GATA4: variants seen among roughly 807,000 people sequenced by gnomAD.
GATA4 encodes transcription factor GATA-4.
A neutral mutation model predicts 37.9 loss-of-function variants in GATA4; 7 were observed. The observed-to-expected ratio is 0.18, with a 90% CI of 0.11 to 0.35. The LOEUF (loss-of-function observed/expected upper bound fraction) is 0.35, where lower values mean the gene tolerates loss of function less well. GATA4 is among the 10% of genes least tolerant of loss of function. GATA4 has a pLI of 1.00. For missense variants in GATA4, 647 were observed against 653.0 expected, an observed-to-expected ratio of 0.99 and a Z score of 0.10; for synonymous variants, 372 against 292.6, an observed-to-expected ratio of 1.27 and a Z score of -2.77.
rs540137124 is a variant in GATA4, at chr8:11,741,270, G to T, written c.617-7646G>T. 9.9e-5 allele frequency among the ~76,000 whole-genome samples: 15 copies of T among 152,180 alleles called. No homozygotes were observed. The South Asian group carries it at 1.2e-3, about 13-fold the overall frequency. ...AGGCGGGAGGATTGCTTGAACTCAG[G>T]AGTTCAAGATCAGCCTGGGCAACAT... On this transcript the variant is annotated intron_variant, in intron 2 of 6. Coordinates refer to ENST00000532059, the MANE Select transcript of GATA4 (RefSeq NM_001308093.3).
intron 2 of GATA4, among the ~76,000 whole-genome samples, chr8:11,743,615 C>T (rs1223461802): frequency 6.6e-6 from 1 of 152,266 alleles, no homozygotes. Context: ...CCTCCCGTGC[C>T]TTCCCTCTCC....
At chr8:11,695,788 C>T (rs1799490811) in intron 1 of GATA4, among the ~76,000 whole-genome samples, 1 of 152,146 alleles carries the variant, frequency 6.6e-6, no homozygotes, top group East Asian at 1.9e-4. Flanking sequence ...GCAGCCTGCC[C>T]AAAAACATGA....
In GATA4 at chr8:11,748,908, C is replaced by G; in HGVS notation, c.617-8C>G. The stretch of plus-strand genomic sequence containing the variant: ...TGTGTCTTTTCTTGTCTGTTCCCCC[C>G]AACTCAGTAGATATGTTTGACGACT... On this transcript the variant is annotated splice_region_variant and splice_polypyrimidine_tract_variant and intron_variant, in intron 2 of 6. Transcript: ENST00000532059. 1 of 1,614,194 alleles carries G rather than the reference C, an allele frequency of 6.2e-7. No homozygotes were observed. Among genetic ancestry groups the G allele is most frequent in the Non-Finnish European group, 8.5e-7 (1 of 1,179,998 alleles).
chr8:11,728,424 G>A (rs547073515), intron 2 of GATA4, among the ~76,000 whole-genome samples: 1 of 151,958 alleles, frequency 6.6e-6, no homozygotes, highest in Non-Finnish European at 1.5e-5. Flanking sequence ...GCTGGAGTGC[G>A]GTGCTGTGAT....
chr8:11,745,447 A>C (rs1285074759), intron 2 of GATA4, among the ~76,000 whole-genome samples: 1 of 148,792 alleles, frequency 6.7e-6, no homozygotes, highest in Non-Finnish European at 1.5e-5. Flanking sequence ...TTAGCAAGGC[A>C]TGGCAGCATG....
chr8:11,699,801 C>T (rs1799613714), upstream of GATA4, among the ~76,000 whole-genome samples: 1 of 152,222 alleles, frequency 6.6e-6, no homozygotes, highest in Non-Finnish European at 1.5e-5. Flanking sequence ...CCACTTTTTT[C>T]CCTCTTCCTG....
At chr8:11,703,567 C>G (rs1433794733), upstream of GATA4, among the ~76,000 whole-genome samples, 6 of 152,200 alleles carry the variant, frequency 3.9e-5, no homozygotes, top group Admixed American at 3.3e-4. Flanking sequence ...GAAGTGTCGC[C>G]AGGAAGGGAT....
chr8:11,742,792 C>G (rs758580342), intron 2 of GATA4, among the ~76,000 whole-genome samples: 1 of 152,252 alleles, frequency 6.6e-6, no homozygotes, highest in Non-Finnish European at 1.5e-5. Context: ...AGGCGCCAGC[C>G]GCAGGGACAG....
At chr8:11,689,238 A>G (rs1563187985), upstream of GATA4, among the ~76,000 whole-genome samples, 3 of 152,224 alleles carry the variant, frequency 2.0e-5, no homozygotes, top group African/African-American at 7.2e-5. Context: ...AGCATTTTCC[A>G]GTGTAAAAAG....
At chr8:11,681,172 CG>C in intron 1 of GATA4, 1 of 985,350 alleles carries the variant, frequency 1.0e-6, no homozygotes, top group Admixed American at 6.1e-5. Flanking sequence ...GCAGAACCTT[CG>C]GGGGTTAGTC....
intron 1 of GATA4, among the ~76,000 whole-genome samples, chr8:11,678,057 T>TAATAATAAA (rs1292640882): frequency 7.9e-6 from 1 of 126,426 alleles, no homozygotes; most frequent in Admixed American, 7.9e-5. Flanking sequence ...ATAATAATAA[T>TAATAATAAA]AAATAGGAGT....
intron 2 of GATA4, among the ~76,000 whole-genome samples, chr8:11,743,111 G>A (rs1306379455): frequency 6.6e-6 from 1 of 152,240 alleles, no homozygotes; most frequent in South Asian, 2.1e-4. Flanking sequence ...GAACGTCCAG[G>A]ATGCTGAAGA....
intron 1 of GATA4, chr8:11,683,242 G>A (rs1799033538): frequency 1.6e-6 from 1 of 624,016 alleles, no homozygotes; most frequent in Non-Finnish European, 2.0e-6. Context: ...CGGAGGGACG[G>A]GGCTGGCGTG....
intron 1 of GATA4, among the ~76,000 whole-genome samples, chr8:11,705,519 T>C (rs1799854781): frequency 2.0e-5 from 3 of 152,046 alleles, no homozygotes; most frequent in Admixed American, 2.0e-4. Flanking sequence ...GGGAGCGCAT[T>C]TCCTGTTGGC....
At chr8:11,683,523 A>G (rs1440399556) in intron 1 of GATA4, among the ~76,000 whole-genome samples, 1 of 152,136 alleles carries the variant, frequency 6.6e-6, no homozygotes, top group African/African-American at 2.4e-5. Context: ...CTTTCACCGT[A>G]TTCCTTGAGA....
intron 2 of GATA4, among the ~76,000 whole-genome samples, chr8:11,726,966 C>G (rs1019367999): frequency 2.6e-5 from 4 of 152,090 alleles, no homozygotes; most frequent in African/African-American, 9.7e-5. Flanking sequence ...GTGCCTCAGC[C>G]CACTGTTTTT....
chr8:11,722,655 G>C (rs897213987), intron 2 of GATA4, among the ~76,000 whole-genome samples: 1 of 152,112 alleles, frequency 6.6e-6, no homozygotes, highest in Admixed American at 6.5e-5. Context: ...GGATTTTGTT[G>C]ACTGCCTTCT....
intron 1 of GATA4, among the ~76,000 whole-genome samples, chr8:11,678,521 A>G (rs1798853320): frequency 6.6e-6 from 1 of 152,200 alleles, no homozygotes; most frequent in Non-Finnish European, 1.5e-5. Flanking sequence ...GTCCAAAAAT[A>G]AGGGAAATTG....
At chr8:11,681,857 C>T (rs568842637) in intron 1 of GATA4, among the ~76,000 whole-genome samples, 1 of 152,260 alleles carries the variant, frequency 6.6e-6, no homozygotes, top group Non-Finnish European at 1.5e-5. Context: ...AGGACTGCAG[C>T]TTTTCCCTGG....
Sources: gnomAD v4.1 joint callset for allele counts (sites outside exome capture counted in the v4.1 genomes callset) on GRCh38, gnomAD v4.1.1 for gene constraint, MANE v1.5 for transcripts, NCBI Gene and HGNC (gene_info 2026-07-23, HGNC 2026-07-21) for gene names.